The following MIER2 variants were observed in gnomAD, a reference collection of about 807,000 sequenced individuals.
MIER2 encodes MIER family member 2.
MIER2 carries 30 observed loss-of-function variants against 67.6 expected under a neutral mutation model. The ratio of observed to expected loss-of-function variants is 0.44; its 90% confidence interval spans 0.33 to 0.60. The LOEUF (loss-of-function observed/expected upper bound fraction) is 0.60. Ranked by LOEUF, MIER2 falls within the 20% of genes least tolerant of loss-of-function variation. The pLI is 0.02. For missense variants in MIER2, 702 were observed against 745.1 expected (o/e 0.94, Z 0.67); for synonymous variants, 372 against 312.6 (o/e 1.19, Z -2.00).
At chr19:317,563 T>TAAATAAAA (rs1361780050) in intron 7 of MIER2, among the ~76,000 whole-genome samples, 12 of 145,534 alleles carry the variant, frequency 8.2e-5, no homozygotes, top group Non-Finnish European at 1.5e-4. Flanking sequence ...AATAAATAAA[T>TAAATAAAA]AAAATAAAAA....
intron 7 of MIER2, among the ~76,000 whole-genome samples, chr19:317,616 G>C (rs1971307843): frequency 6.6e-6 from 1 of 151,080 alleles, no homozygotes. Context: ...TGTAATCCCA[G>C]CTACTTGGGA....
At position 308,489 on chromosome 19, in the gene MIER2, C is replaced by T. The variant is rs918142005; in HGVS notation, c.1198+88G>A. ...CTGGCGAGGCTGGCCCAGCACAGGG[C>T]GCCAGGCAGGAGAGGCTCCACCGGG... is the stretch of plus-strand genomic sequence containing the variant. On this transcript the variant is annotated intron_variant, in intron 12 of 13. Coordinates refer to ENST00000264819, the MANE Select transcript of MIER2 (RefSeq NM_017550.3). The surrounding 1 kb of genome is among the most constrained non-coding windows in gnomAD (Gnocchi z 9.1). 1.0e-5 allele frequency: 14 copies of T among 1,374,468 alleles called. No individual in the cohort carries two copies. Among genetic ancestry groups the T allele is most frequent in the Admixed American group, 2.2e-5 (1 of 45,000 alleles). The allele number at this position is 1,374,468 out of a possible 1,614,324, so 85.1% of individuals were successfully genotyped here.
At chr19:334,755 G>T (rs547321944) in intron 2 of MIER2, among the ~76,000 whole-genome samples, 17 of 152,216 alleles carry the variant, frequency 1.1e-4, no homozygotes, top group African/African-American at 4.1e-4. Context: ...GGATTTTTTT[G>T]GGGGGTGGGT....
At position 324,609 on chromosome 19, in the gene MIER2, A is replaced by G. The variant is rs1437789325; in HGVS notation, c.655+1026T>C. Among the ~76,000 whole-genome samples the G allele has an allele frequency of 2.7e-5, 4 of 148,072 alleles. No individual in the cohort carries two copies. In the East Asian group the frequency reaches 5.9e-4, roughly 22 times the overall value. On this transcript the variant is annotated intron_variant, in intron 7 of 13. Transcript: ENST00000264819. ...ACAATGCAATACACAAGACACACAC[A>G]ACCACGCAGACGACTCGAATGACAC...
At chr19:331,360 G>GGAA (rs1555692442) in intron 3 of MIER2, among the ~76,000 whole-genome samples, 1 of 117,962 alleles carries the variant, frequency 8.5e-6, no homozygotes, top group African/African-American at 3.2e-5. Context: ...TCTGTCCCCA[G>GGAA]AAAAAAAAAA....
chr19:332,443 A>G (rs1972071233), intron 3 of MIER2, among the ~76,000 whole-genome samples: 1 of 151,406 alleles, frequency 6.6e-6, no homozygotes, highest in Non-Finnish European at 1.5e-5. Context: ...CTGGGATTAC[A>G]GGCGCCTGCT....
intron 7 of MIER2, among the ~76,000 whole-genome samples, chr19:314,995 C>T (rs1392878789): frequency 6.6e-6 from 1 of 151,918 alleles, no homozygotes; most frequent in South Asian, 2.1e-4. Context: ...CCCAGGAGGT[C>T]GAGGTTGCAA....
In MIER2 at chr19:336,177, C is replaced by T. The variant is rs759889791; in HGVS notation, c.10-4G>A. 36 of 1,611,496 alleles carry T rather than the reference C, an allele frequency of 2.2e-5. No individual in the cohort carries two copies. The highest frequency in any genetic ancestry group is 2.1e-4 in the African/African-American group (16 of 74,888). ...TCTGCCTCCCCAGCGAGGAGGCCTG[C>T]GAAGGAAGAGAGGCAGGGTTAGCTC... On this transcript the variant is annotated splice_region_variant and splice_polypyrimidine_tract_variant and intron_variant, in intron 1 of 13. Transcript: ENST00000264819.
At chr19:328,059 GC>G in intron 3 of MIER2, 70 bp from the exon 4 acceptor site, 1 of 1,584,886 alleles carries the variant, frequency 6.3e-7, no homozygotes, top group Middle Eastern at 1.8e-4. Context: ...CTGTCCTCTT[GC>G]CTGAGCCTCA....
intron 10 of MIER2, among the ~76,000 whole-genome samples, 175 bp from the exon 11 acceptor site, chr19:309,100 C>T (rs1970804183): frequency 6.6e-6 from 1 of 152,094 alleles, no homozygotes; most frequent in Admixed American, 6.6e-5. Flanking sequence ...CAGGCTATGC[C>T]CACCACAGGG....
chr19:334,344 G>C, intron 3 of MIER2, 56 bp downstream of exon 3: 1 of 1,606,450 alleles, frequency 6.2e-7, no homozygotes, highest in Non-Finnish European at 8.5e-7. Context: ...AAACTCATGA[G>C]GCTTACCCCG....
intron 1 of MIER2, among the ~76,000 whole-genome samples, chr19:337,333 C>T (rs7246156): frequency 0.041 from 6,272 of 152,208 alleles, 436 homozygotes; most frequent in African/African-American, 0.14. Flanking sequence ...AACACAGGAT[C>T]ATCTCAACAT....
Position 307,545 on chromosome 19 carries a change from G to A in MIER2, c.1199-9C>T. The A allele has an allele frequency of 2.7e-6, 4 of 1,497,470 alleles. No homozygotes were observed. The highest frequency in any genetic ancestry group is 3.5e-6 in the Non-Finnish European group (4 of 1,130,616). 92.8% of individuals were successfully genotyped at this position (1,497,470 alleles called of 1,614,324 possible). A position where few individuals can be genotyped will look rare whatever the true frequency, so the allele number is the denominator to read the frequency against. On this transcript the variant is annotated splice_polypyrimidine_tract_variant and intron_variant, in intron 12 of 13. Coordinates refer to ENST00000264819, the MANE Select transcript of MIER2 (RefSeq NM_017550.3). The stretch of plus-strand genomic sequence containing the variant: ...ATCCACGCTCAGTGGATCTGTGAAA[G>A]AGAACGCAACAGAGGGTGGGGCCTG...
Position 306,600 on chromosome 19 carries a change from G to C in MIER2, c.*90C>G, listed in dbSNP as rs1454501030. ...GAGGTGCTACCCCAAGGCCCGGGGG[G>C]TGGGGAAGGGGTCAGGAAGACTGAC... On this transcript the variant is annotated 3_prime_UTR_variant, in exon 14 of 14. Coordinates refer to ENST00000264819, the MANE Select transcript of MIER2 (RefSeq NM_017550.3). 6.6e-7 allele frequency: 1 copy of C among 1,512,518 alleles called. No homozygotes were observed. Among genetic ancestry groups the C allele is most frequent in the Non-Finnish European group, 9.0e-7 (1 of 1,113,080 alleles). 93.7% of individuals were successfully genotyped at this position (1,512,518 alleles called of 1,614,324 possible). A position where few individuals can be genotyped will look rare whatever the true frequency, so the allele number is the denominator to read the frequency against.
intron 13 of MIER2, among the ~76,000 whole-genome samples, 181 bp downstream of exon 13, chr19:306,938 C>G (rs534890934): frequency 6.6e-6 from 1 of 152,208 alleles, no homozygotes; most frequent in South Asian, 2.1e-4. Flanking sequence ...AATGTATTCT[C>G]CAGTCAAAAA....
At chr19:338,108 G>C (rs1972346341) in intron 1 of MIER2, among the ~76,000 whole-genome samples, 1 of 147,344 alleles carries the variant, frequency 6.8e-6, no homozygotes, top group Non-Finnish European at 1.5e-5. Flanking sequence ...GGAGGCAGAG[G>C]TTGCAGTGAG....
chr19:306,821 C>T, intron 13 of MIER2, 110 bp from the exon 14 acceptor site: 1 of 1,505,430 alleles, frequency 6.6e-7, no homozygotes, highest in Admixed American at 2.0e-5. Context: ...GCCTCCCCCA[C>T]AGCCTATGGC....
At chr19:338,853 G>T (rs1972378930) in intron 1 of MIER2, among the ~76,000 whole-genome samples, 1 of 152,114 alleles carries the variant, frequency 6.6e-6, no homozygotes. Context: ...ATATCCATGT[G>T]CAAAAGAATG....
At chr19:343,144 G>C (rs1972577274) in intron 1 of MIER2, among the ~76,000 whole-genome samples, 1 of 152,170 alleles carries the variant, frequency 6.6e-6, no homozygotes, top group Non-Finnish European at 1.5e-5. Context: ...GTGTAAAACA[G>C]GGTTAACAGG....
Sources: allele counts gnomAD v4.1 joint callset (sites outside exome capture counted in the v4.1 genomes callset), GRCh38; gene constraint gnomAD v4.1.1; non-coding constraint Gnocchi (gnomAD v3.1); transcripts MANE v1.5; gene names NCBI Gene and HGNC (gene_info 2026-07-23, HGNC 2026-07-21).